LYG2: variants seen among roughly 807,000 people sequenced by gnomAD.
The protein encoded by LYG2 is lysozyme g2.
Under a neutral mutation model 22.4 loss-of-function variants are expected in LYG2, and 25 were observed. That is an observed-to-expected ratio of 1.12 (90% CI 0.81 to 1.56). The LOEUF is 1.56. LYG2 is among the 40% of genes most tolerant of loss of function. The pLI, the probability that LYG2 is intolerant of heterozygous loss-of-function variation, is 0.00. For synonymous variants in LYG2, 88 were observed against 97.0 expected (o/e 0.91, Z 0.55); for missense variants, 266 against 269.5 (o/e 0.99, Z 0.09).
chr2:99,253,398 C>T (rs1324583731), intron 3 of LYG2, among the ~76,000 whole-genome samples: 1 of 152,174 alleles, frequency 6.6e-6, no homozygotes, highest in Non-Finnish European at 1.5e-5. Context: ...CTGTTTTGAC[C>T]ATAAGTAACT....
chr2:99,244,018 A>G lies in LYG2; in HGVS notation c.501T>C (p.Ser167=). The G allele has an allele frequency of 6.2e-7, 1 of 1,613,700 alleles. No homozygotes were observed. The highest frequency in any genetic ancestry group is 8.5e-7 in the Non-Finnish European group (1 of 1,179,904). ...KAIQKKFPTW[S]VAQHLKGGLS... is the part of the protein sequence containing the mutation. ...GCCTACCTTTGAGGTGCTGAGCAAC[A>G]CTCCACGTGGGGAATTTTTTCTGGA... Residue 167 remains serine, a synonymous_variant, in exon 6 of 7, where the codon AGT becomes AGC. Transcript: ENST00000333017.
At chr2:99,247,995 T>A (rs1251969418) in intron 3 of LYG2, among the ~76,000 whole-genome samples, 3 of 152,338 alleles carry the variant, frequency 2.0e-5, no homozygotes, top group Admixed American at 2.0e-4. Flanking sequence ...TCACCATCAC[T>A]GGCTATCAGA....
At chr2:99,242,543 G>A (rs1409108322) in intron 6 of LYG2, 61 bp from the exon 7 acceptor site, 5 of 1,147,738 alleles carry the variant, frequency 4.4e-6, no homozygotes, top group Admixed American at 3.8e-5. Flanking sequence ...TAAGCAATGA[G>A]CATTGCCAAG....
intron 3 of LYG2, among the ~76,000 whole-genome samples, chr2:99,250,195 G>A (rs922841586): frequency 6.6e-6 from 1 of 151,974 alleles, no homozygotes; most frequent in African/African-American, 2.4e-5. Flanking sequence ...TATTCCTCCT[G>A]GTATCTACAT....
chr2:99,242,622 T>C (rs2094008423), intron 6 of LYG2, 140 bp from the exon 7 acceptor site: 1 of 526,966 alleles, frequency 1.9e-6, no homozygotes, highest in African/African-American at 1.9e-5. Context: ...CCTCCCTTTC[T>C]GAAAGGACGT....
chr2:99,256,464 G>A (rs540947720), upstream of LYG2, among the ~76,000 whole-genome samples: 65 of 152,316 alleles, frequency 4.3e-4, no homozygotes, highest in Middle Eastern at 3.4e-3. Flanking sequence ...GAAACCCATA[G>A]TCTATGACCC....
In LYG2 at chr2:99,242,311, C is replaced by G; in HGVS notation, c.*53G>C. 1.0e-6 allele frequency: 1 copy of G among 988,190 alleles called. No homozygotes were observed. The highest frequency in any genetic ancestry group is 1.6e-6 in the Non-Finnish European group (1 of 641,420). The allele number at this position is 988,190 out of a possible 1,614,324, so 61.2% of individuals were successfully genotyped here. On this transcript the variant is annotated 3_prime_UTR_variant, in exon 7 of 7. Coordinates refer to ENST00000333017, the MANE Select transcript of LYG2 (RefSeq NM_175735.4). ...ATACAACACATTCACGTAAAACTCT[C>G]AAAGGCGGCCATCTGAGCACTCTGC...
chr2:99,258,125 G>A (rs571065294), upstream of LYG2, among the ~76,000 whole-genome samples: 4 of 152,164 alleles, frequency 2.6e-5, no homozygotes, highest in Admixed American at 2.0e-4. Flanking sequence ...GGTTGTCTCC[G>A]CCATGTCATT....
chr2:99,251,830 A>G (rs1240851396), intron 3 of LYG2, among the ~76,000 whole-genome samples: 1 of 151,868 alleles, frequency 6.6e-6, no homozygotes, highest in Non-Finnish European at 1.5e-5. Context: ...TGTTAGAGAC[A>G]CATTAAAAAA....
intron 3 of LYG2, among the ~76,000 whole-genome samples, chr2:99,247,830 C>T (rs1460524853): frequency 6.6e-6 from 1 of 151,838 alleles, no homozygotes; most frequent in Non-Finnish European, 1.5e-5. Context: ...GCAACCTACT[C>T]ATCTGACAAA....
upstream of LYG2, among the ~76,000 whole-genome samples, chr2:99,258,682 C>G (rs2094041213): frequency 2.0e-5 from 3 of 152,174 alleles, no homozygotes; most frequent in South Asian, 6.2e-4. Flanking sequence ...TACTTTGGCG[C>G]CAATGGCTGG....
rs529632092 is a variant in LYG2, at chr2:99,247,593, C to T, written c.44-773G>A. Among the ~76,000 whole-genome samples, 10 of 152,256 alleles carry T rather than the reference C, an allele frequency of 6.6e-5. No homozygotes were observed. The East Asian group carries it at 1.9e-3, about 29-fold the overall frequency. On this transcript the variant is annotated intron_variant, in intron 3 of 6. Coordinates refer to ENST00000333017, the MANE Select transcript of LYG2 (RefSeq NM_175735.4). ...TTTCAACCCTTGCCTCCCTACCTTC[C>T]TCCCTCCCTCCTTCCTTTTACAGTC...
chr2:99,254,147 T>A (rs1480939476), intron 3 of LYG2, 71 bp downstream of exon 3: 1 of 1,337,204 alleles, frequency 7.5e-7, no homozygotes, highest in Non-Finnish European at 1.1e-6. Flanking sequence ...TTGCTCTTTC[T>A]GATTCATGAT....
intron 6 of LYG2, among the ~76,000 whole-genome samples, chr2:99,242,691 CT>C (rs2094008543): frequency 1.3e-5 from 2 of 152,260 alleles, no homozygotes; most frequent in African/African-American, 4.8e-5. Flanking sequence ...TTTCCAAAGT[CT>C]TTGGTTTTTC....
chr2:99,251,807 G>C (rs535369978), intron 3 of LYG2, among the ~76,000 whole-genome samples: 2 of 151,958 alleles, frequency 1.3e-5, no homozygotes, highest in East Asian at 3.9e-4. Flanking sequence ...TTGTGCCAGA[G>C]CTGGTCCTTA....
chr2:99,252,972 A>G (rs1245256985), intron 3 of LYG2, among the ~76,000 whole-genome samples: 2 of 147,204 alleles, frequency 1.4e-5, no homozygotes, highest in Non-Finnish European at 3.0e-5. Flanking sequence ...GTATGAACCC[A>G]GGAGGCAGAG....
At chr2:99,258,928 A>G (rs2094041659), upstream of LYG2, among the ~76,000 whole-genome samples, 1 of 152,220 alleles carries the variant, frequency 6.6e-6, no homozygotes, top group African/African-American at 2.4e-5. Context: ...AGATATACAA[A>G]TGGCCAATAA....
chr2:99,254,638 C>T (rs1440354073), intron 2 of LYG2, among the ~76,000 whole-genome samples: 1 of 152,060 alleles, frequency 6.6e-6, no homozygotes, highest in Non-Finnish European at 1.5e-5. Flanking sequence ...TAGTTATTCA[C>T]CCTACCCCTG....
chr2:99,245,364 CA>C lies in LYG2; in HGVS notation c.278del (p.Val93GlyfsTer33), dbSNP rs2094014020. ...LIKEVGQRHC[V>X]DPAVIAAIIS... is the part of the protein sequence containing the mutation. ...TGATGGCTGCGATGACAGCAGGGTCCACGCAATGTCTCTGCCCGACTTCTTT... is the reference window on the plus strand; with the variant it reads ...TGATGGCTGCGATGACAGCAGGGTCCCGCAATGTCTCTGCCCGACTTCTTT... On this transcript the variant is annotated frameshift_variant, in exon 5 of 7. Transcript: ENST00000333017. LOFTEE classifies it high-confidence loss of function. 6.2e-7 allele frequency: 1 copy of C among 1,613,344 alleles called. No individual in the cohort carries two copies. The highest frequency in any genetic ancestry group is 8.5e-7 in the Non-Finnish European group (1 of 1,179,708).
Sources: allele counts gnomAD v4.1 joint callset (sites outside exome capture counted in the v4.1 genomes callset), GRCh38; gene constraint gnomAD v4.1.1; transcripts MANE v1.5; gene names NCBI Gene and HGNC (gene_info 2026-07-23, HGNC 2026-07-21).